MAPKAPK5: variants seen among roughly 807,000 people sequenced by gnomAD.
MAPKAPK5 encodes MAPK activated protein kinase 5, also known as MAP kinase-activated protein kinase 5.
In MAPKAPK5, 30 loss-of-function variants were observed where a neutral mutation model predicts 65.1. That is an observed-to-expected ratio of 0.46 (90% CI 0.34 to 0.63). The LOEUF (loss-of-function observed/expected upper bound fraction) is 0.63. MAPKAPK5 is among the 20% of genes least tolerant of loss of function. The pLI, the probability that MAPKAPK5 is intolerant of heterozygous loss-of-function variation, is 0.01. For synonymous variants in MAPKAPK5, 179 were observed against 204.6 expected (o/e 0.87, Z 1.07); for missense variants, 433 against 581.4 (o/e 0.74, Z 2.63).
chr12:111,884,836 C>T (rs1403201577), intron 9 of MAPKAPK5, among the ~76,000 whole-genome samples: 3 of 152,120 alleles, frequency 2.0e-5, no homozygotes, highest in African/African-American at 4.8e-5. Flanking sequence ...GCCATTTCTC[C>T]GTGGAAATTA....
Position 111,878,145 on chromosome 12 carries a change from T to C in MAPKAPK5, c.580-2302T>C, listed in dbSNP as rs555219637. ...ACAGTGTCTTTTGAGGAGCAGAAAA[T>C]TCTAATTTTCATGAATGCCAGTTTA... On this transcript the variant is annotated intron_variant, in intron 7 of 13. Transcript: ENST00000550735. Among the ~76,000 whole-genome samples the C allele has an allele frequency of 3.3e-5, 5 of 152,188 alleles. No individual in the cohort carries two copies. In the South Asian group the frequency reaches 8.3e-4, roughly 25 times the overall value.
chr12:111,842,699 C>G lies in MAPKAPK5; in HGVS notation c.-35C>G, dbSNP rs1227546131. On this transcript the variant is annotated 5_prime_UTR_variant, in exon 1 of 14. Transcript: ENST00000550735. ...CGCGGGGACAGGGCTGCTGAGCAGC[C>G]TCCGCCTCTCCCGGCTGTGGGGGCC... is the stretch of plus-strand genomic sequence containing the variant. 7.3e-7 allele frequency: 1 copy of G among 1,364,352 alleles called. No individual in the cohort carries two copies. Among genetic ancestry groups the G allele is most frequent in the Admixed American group, 3.2e-5 (1 of 31,478 alleles). 84.5% of individuals were successfully genotyped at this position (1,364,352 alleles called of 1,614,324 possible).
intron 9 of MAPKAPK5, among the ~76,000 whole-genome samples, chr12:111,884,963 G>A (rs771918027): frequency 7.2e-5 from 11 of 152,318 alleles, no homozygotes; most frequent in African/African-American, 1.7e-4. Context: ...TTTTAGGAAC[G>A]TGGGTGCAAT....
chr12:111,877,901 A>G (rs2070044044), intron 7 of MAPKAPK5, among the ~76,000 whole-genome samples: 1 of 151,790 alleles, frequency 6.6e-6, no homozygotes, highest in South Asian at 2.1e-4. Flanking sequence ...CACATTGTCC[A>G]GGCTGGTCTC....
chr12:111,843,313 A>AT (rs1321516633), intron 1 of MAPKAPK5: 1 of 398,510 alleles, frequency 2.5e-6, no homozygotes, highest in Admixed American at 4.4e-5. Flanking sequence ...CCTAGGAAGC[A>AT]TTGAGTTTAC....
intron 10 of MAPKAPK5, among the ~76,000 whole-genome samples, chr12:111,886,442 C>T (rs1427313984): frequency 1.3e-5 from 2 of 152,174 alleles, no homozygotes; most frequent in Non-Finnish European, 2.9e-5. Flanking sequence ...TGTGGGAATT[C>T]AGAAAAAGAG....
chr12:111,884,217 G>A (rs1040826347), intron 9 of MAPKAPK5, among the ~76,000 whole-genome samples: 1 of 152,138 alleles, frequency 6.6e-6, no homozygotes, highest in Non-Finnish European at 1.5e-5. Context: ...CGCGCTGCCA[G>A]TTGGTTGCTT....
rs1211572731 is a variant in MAPKAPK5 at position 111,842,777 on chromosome 12, G to T, written c.36+8G>T. The T allele has an allele frequency of 3.8e-6, 5 of 1,325,922 alleles. No homozygotes were observed. Among genetic ancestry groups the T allele is most frequent in the Non-Finnish European group, 4.9e-6 (5 of 1,029,228 alleles). The allele number at this position is 1,325,922 out of a possible 1,614,324, so 82.1% of individuals were successfully genotyped here. A position where few individuals can be genotyped will look rare whatever the true frequency, so the allele number is the denominator to read the frequency against. On this transcript the variant is annotated splice_region_variant and intron_variant, in intron 1 of 13. Coordinates refer to ENST00000550735, the MANE Select transcript of MAPKAPK5 (RefSeq NM_003668.4). ...ATGGACAAAGCCATCAAGGTAAGGG[G>T]GAGGTGCCCCCTCTTCCCCCGCGTT...
rs137855357 is a variant in MAPKAPK5, at chr12:111,874,877, C to T, written c.579+3697C>T. On this transcript the variant is annotated intron_variant, in intron 7 of 13. Transcript: ENST00000550735. ...GCAATCTCCGCCTCCCAGGTTCAAGCGATTCTCCTTCCTCAGCCTCCCGAG... is the reference window on the plus strand; with the variant it reads ...GCAATCTCCGCCTCCCAGGTTCAAGTGATTCTCCTTCCTCAGCCTCCCGAG... Among the ~76,000 whole-genome samples, 860 of 149,912 alleles carry T rather than the reference C, an allele frequency of 5.7e-3. 9 individuals are homozygous for T. Among genetic ancestry groups the T allele is most frequent in the African/African-American group, 0.02 (823 of 40,748 alleles).
intron 1 of MAPKAPK5, among the ~76,000 whole-genome samples, chr12:111,858,206 T>C (rs1013268817): frequency 2.6e-5 from 4 of 151,984 alleles, no homozygotes; most frequent in African/African-American, 7.2e-5. Context: ...CACCTGGTCT[T>C]GTCTTTCAGT....
chr12:111,890,836 T>G (rs566622177), intron 13 of MAPKAPK5, among the ~76,000 whole-genome samples: 1 of 151,874 alleles, frequency 6.6e-6, no homozygotes, highest in South Asian at 2.1e-4. Context: ...TTTTGTATTT[T>G]TAGTAGAGAT....
chr12:111,879,627 A>T (rs1310331740), intron 7 of MAPKAPK5: 1 of 152,260 alleles, frequency 6.6e-6, no homozygotes, highest in Admixed American at 6.5e-5. Context: ...TGACCTCATG[A>T]TCTGCCTGCC....
intron 7 of MAPKAPK5, among the ~76,000 whole-genome samples, chr12:111,871,412 G>A (rs1245547489): frequency 3.3e-5 from 5 of 152,042 alleles, no homozygotes; most frequent in East Asian, 3.9e-4. Flanking sequence ...AGGCTGAGGC[G>A]GGTGGATTAC....
chr12:111,857,291 G>C (rs2069274983), intron 1 of MAPKAPK5, among the ~76,000 whole-genome samples: 1 of 150,436 alleles, frequency 6.6e-6, no homozygotes, highest in African/African-American at 2.4e-5. Context: ...GCTTAGGCTA[G>C]AGTGCAGTGG....
At chr12:111,891,574 A>C (rs982856700) in intron 13 of MAPKAPK5, among the ~76,000 whole-genome samples, 3 of 149,354 alleles carry the variant, frequency 2.0e-5, no homozygotes, top group Non-Finnish European at 4.4e-5. Flanking sequence ...CGGGCGGATC[A>C]TGAGGTCAGG....
At chr12:111,870,571 G>A (rs1188418431) in intron 6 of MAPKAPK5, among the ~76,000 whole-genome samples, 2 of 152,184 alleles carry the variant, frequency 1.3e-5, no homozygotes, top group East Asian at 1.9e-4. Flanking sequence ...ATACTGATAT[G>A]TATTTGTGGG....
intron 6 of MAPKAPK5, among the ~76,000 whole-genome samples, 180 bp downstream of exon 6, chr12:111,870,540 C>T (rs996849654): frequency 2.0e-5 from 3 of 152,250 alleles, no homozygotes; most frequent in African/African-American, 4.8e-5. Context: ...ACTGTACTCC[C>T]GGCATTGATA....
chr12:111,888,453 G>T, intron 10 of MAPKAPK5, 35 bp from the exon 11 acceptor site: 3 of 1,609,944 alleles, frequency 1.9e-6, no homozygotes, highest in South Asian at 2.2e-5. Flanking sequence ...GCCCAGCAAT[G>T]AATATGAAAA....
intron 4 of MAPKAPK5, 123 bp downstream of exon 4, chr12:111,867,792 G>C (rs913791115): frequency 3.1e-5 from 22 of 708,760 alleles, no homozygotes; most frequent in Middle Eastern, 5.0e-4. Flanking sequence ...CGCTTCCTCT[G>C]CCCTTCCTTC....
Sources: allele counts gnomAD v4.1 joint callset (sites outside exome capture counted in the v4.1 genomes callset), GRCh38; gene constraint gnomAD v4.1.1; transcripts MANE v1.5; gene names NCBI Gene and HGNC (gene_info 2026-07-23, HGNC 2026-07-21).